GOLGB1: variants seen among roughly 807,000 people sequenced by gnomAD.
The protein encoded by GOLGB1 is golgin subfamily B member 1.
A neutral mutation model predicts 336.9 loss-of-function variants in GOLGB1; 174 were observed. That is an observed-to-expected ratio of 0.52 (90% CI 0.46 to 0.59). The LOEUF (loss-of-function observed/expected upper bound fraction) is 0.59, where lower values mean the gene tolerates loss of function less well. GOLGB1 is among the 20% of genes least tolerant of loss of function. GOLGB1 has a pLI of 0.00. For synonymous variants in GOLGB1, 1,208 were observed against 1,289.2 expected (o/e 0.94, Z 1.35); for missense variants, 3,331 against 3,645.3 (o/e 0.91, Z 2.22).
chr3:121,706,674 C>T (rs544639058), intron 10 of GOLGB1, among the ~76,000 whole-genome samples: 1 of 116,266 alleles, frequency 8.6e-6, no homozygotes, highest in Admixed American at 1.3e-4. Flanking sequence ...GTGGAGGTTA[C>T]AGTGAGTTGA....
Position 121,749,404 on chromosome 3 carries a change from G to A in GOLGB1, c.-3+228C>T, listed in dbSNP as rs544052958. Among the ~76,000 whole-genome samples, 13 of 152,284 alleles carry A rather than the reference G, an allele frequency of 8.5e-5. No individual in the cohort carries two copies. The South Asian group carries it at 2.7e-3, about 32-fold the overall frequency. On this transcript the variant is annotated intron_variant, in intron 1 of 21. Coordinates refer to ENST00000614479, the MANE Select transcript of GOLGB1 (RefSeq NM_001366282.2). ...TGAGCAAGTGGTCCAAGTCTGCGCA[G>A]GGTGACCCCGAAGGCCCACCGGAGA...
intron 14 of GOLGB1, among the ~76,000 whole-genome samples, chr3:121,682,506 GAAGT>G (rs1433035541): frequency 2.6e-5 from 4 of 152,036 alleles, no homozygotes; most frequent in Admixed American, 2.6e-4. Flanking sequence ...AAGAATATGA[GAAGT>G]AAATGAGCAA....
intron 4 of GOLGB1, 87 bp from the exon 5 acceptor site, chr3:121,727,128 C>T: frequency 2.8e-6 from 2 of 714,858 alleles, no homozygotes; most frequent in Non-Finnish European, 4.0e-6. Flanking sequence ...CATTTACAAC[C>T]ATTTAGTTAT....
chr3:121,681,259 T>C (rs1437001070), intron 15 of GOLGB1, among the ~76,000 whole-genome samples: 1 of 152,122 alleles, frequency 6.6e-6, no homozygotes, highest in South Asian at 2.1e-4. Context: ...TAGAAAACAT[T>C]CTCAAAATGA....
At chr3:121,693,355 G>GT (rs1202349098) in intron 13 of GOLGB1, among the ~76,000 whole-genome samples, 1 of 152,176 alleles carries the variant, frequency 6.6e-6, no homozygotes, top group Non-Finnish European at 1.5e-5. Flanking sequence ...GGGCGTGTTG[G>GT]TAGGCTCCTG....
chr3:121,717,036 T>C lies in GOLGB1; in HGVS notation c.989A>G (p.Glu330Gly). ...EESKILLEKM[E>G]LEVAERKLSF... ...TAATTTTCTCTCTGCCACTTCAAGT[T>C]CCATCTTTTCCAGTAGAATCTTGGA... Residue 330 changes from glutamate (E) to glycine (G), a missense_variant, in exon 9 of 22, where the codon GAA (glutamate) becomes GGA (glycine). Glu to Gly is a moderately conservative substitution (Grantham distance 98). Coordinates refer to ENST00000614479, the MANE Select transcript of GOLGB1 (RefSeq NM_001366282.2). 1 of 1,613,712 alleles carries C rather than the reference T, an allele frequency of 6.2e-7. No homozygotes were observed. The highest frequency in any genetic ancestry group is 2.2e-5 in the East Asian group (1 of 44,878).
Position 121,677,316 on chromosome 3 carries a change from G to C in GOLGB1, c.9008C>G (p.Thr3003Ser), listed in dbSNP as rs761292110. Residue 3003 changes from threonine to serine, a missense_variant, in exon 16 of 22, where the codon ACT (threonine) becomes AGT (serine). Coordinates refer to ENST00000614479, the MANE Select transcript of GOLGB1 (RefSeq NM_001366282.2). ...IRELRSSSSQ[T>S]QPLKVQYQRQ... is the part of the protein sequence containing the mutation. ...TTGGTATTGCACTTTGAGAGGCTGA[G>C]TCTGGGAGGAAGAAGACCTCAATTC... 2.5e-6 allele frequency: 4 copies of C among 1,611,414 alleles called. No individual in the cohort carries two copies. The highest frequency in any genetic ancestry group is 3.4e-6 in the Non-Finnish European group (4 of 1,177,956).
chr3:121,725,385 C>T (rs1576438433), intron 5 of GOLGB1, among the ~76,000 whole-genome samples: 1 of 152,224 alleles, frequency 6.6e-6, no homozygotes, highest in South Asian at 2.1e-4. Flanking sequence ...ATTTTAAGGC[C>T]CAATGTCTAC....
Position 121,692,477 on chromosome 3 carries a change from G to A in GOLGB1, c.6887C>T (p.Ser2296Phe), listed in dbSNP as rs1022926968. Residue 2296 changes from serine to phenylalanine, a missense_variant, in exon 14 of 22, where the codon TCC becomes TTC. Transcript: ENST00000614479. ...TAGGTGGCGTGTCTCTTCTAGCTGGGACAAAAGTTCTTTGTTTTCCCCCTG... is the reference window on the plus strand; with the variant it reads ...TAGGTGGCGTGTCTCTTCTAGCTGGAACAAAAGTTCTTTGTTTTCCCCCTG... The part of the protein sequence containing the change: ...TLQGENKELL[S>F]QLEETRHLYH... 3 of 1,613,716 alleles carry A rather than the reference G, an allele frequency of 1.9e-6. No homozygotes were observed. The highest frequency in any genetic ancestry group is 2.7e-5 in the African/African-American group (2 of 74,876).
chr3:121,741,045 AAAT>A (rs1385305711), intron 1 of GOLGB1, among the ~76,000 whole-genome samples: 1 of 152,158 alleles, frequency 6.6e-6, no homozygotes, highest in African/African-American at 2.4e-5. Context: ...CAGAAAAAAA[AAAT>A]GAGTTACAAA....
chr3:121,723,446 A>G (rs1945333372), intron 5 of GOLGB1, among the ~76,000 whole-genome samples: 2 of 152,252 alleles, frequency 1.3e-5, no homozygotes, highest in Admixed American at 6.5e-5. Context: ...CAATTTAATC[A>G]TAACTAATAA....
At chr3:121,677,616 A>G (rs1022618115) in intron 15 of GOLGB1, among the ~76,000 whole-genome samples, 166 bp from the exon 16 acceptor site, 1 of 152,242 alleles carries the variant, frequency 6.6e-6, no homozygotes, top group Non-Finnish European at 1.5e-5. Context: ...TGTGGGGGAA[A>G]AAACAGGAAT....
At chr3:121,713,933 T>C (rs1204579161) in intron 10 of GOLGB1, among the ~76,000 whole-genome samples, 7 of 152,248 alleles carry the variant, frequency 4.6e-5, no homozygotes, top group African/African-American at 1.7e-4. Flanking sequence ...GATGAATAAA[T>C]AGATAGACAT....
intron 1 of GOLGB1, among the ~76,000 whole-genome samples, chr3:121,745,658 T>C (rs191175800): frequency 3.0e-4 from 46 of 152,184 alleles, no homozygotes; most frequent in Admixed American, 8.5e-4. Context: ...TGTTGGACAA[T>C]GTTCTTGCTG....
intron 10 of GOLGB1, among the ~76,000 whole-genome samples, chr3:121,711,351 G>A (rs952204733): frequency 2.6e-5 from 4 of 151,716 alleles, no homozygotes; most frequent in Non-Finnish European, 5.9e-5. Flanking sequence ...AAAAAACTAA[G>A]AGAAAAATTC....
In GOLGB1 at chr3:121,726,994, T is replaced by C; in HGVS notation, c.450A>G (p.Lys150=). 1 of 1,600,696 alleles carries C rather than the reference T, an allele frequency of 6.2e-7. No homozygotes were observed. The highest frequency in any genetic ancestry group is 8.5e-7 in the Non-Finnish European group (1 of 1,170,090). The change falls in exon 5 of 22, where the codon AAA becomes AAG. Residue 150 remains lysine (K), a synonymous_variant. Coordinates refer to ENST00000614479, the MANE Select transcript of GOLGB1 (RefSeq NM_001366282.2). The part of the protein sequence containing the change: ...TEEEMEIEKI[K]HKLQEKEELI... ...GTTCCTCCTTCTCCTGGAGCTTATG[T>C]TTTATCTTTTCTATTTCCATCTCTT...
At chr3:121,677,085 T>A (rs1940495674) in intron 16 of GOLGB1, 55 bp from the exon 17 acceptor site, 1 of 1,603,364 alleles carries the variant, frequency 6.2e-7, no homozygotes, top group Non-Finnish European at 8.5e-7. Context: ...CATGCTTAAT[T>A]CCTTCCCTCT....
At chr3:121,700,021 C>A (rs1050104212) in intron 11 of GOLGB1, 136 bp from the exon 12 acceptor site, 3 of 571,306 alleles carry the variant, frequency 5.3e-6, no homozygotes, top group South Asian at 2.4e-5. Flanking sequence ...GAGGTGAAAG[C>A]CTTATTAAAG....
At chr3:121,727,952 T>C (rs1945800453) in intron 4 of GOLGB1, among the ~76,000 whole-genome samples, 1 of 152,122 alleles carries the variant, frequency 6.6e-6, no homozygotes, top group African/African-American at 2.4e-5. Context: ...AGAAAGAAAA[T>C]GAACTCTAAG....
Sources: gnomAD v4.1 joint callset for allele counts (sites outside exome capture counted in the v4.1 genomes callset) on GRCh38, gnomAD v4.1.1 for gene constraint, MANE v1.5 for transcripts, NCBI Gene and HGNC (gene_info 2026-07-23, HGNC 2026-07-21) for gene names.